ANXA4: variants seen among roughly 807,000 people sequenced by gnomAD.
ANXA4 encodes the protein annexin A4, also known as 35-beta calcimedin.
A neutral mutation model predicts 49.8 loss-of-function variants in ANXA4; 39 were observed. The observed-to-expected ratio is 0.78, with a 90% CI of 0.61 to 1.02. The LOEUF (loss-of-function observed/expected upper bound fraction) is 1.02. Ranked by LOEUF, ANXA4 falls within the 50% of genes least tolerant of loss-of-function variation. The probability of loss-of-function intolerance (pLI) is 0.00; values close to 1 mark genes in which losing one functional copy is unlikely to be tolerated. For synonymous variants in ANXA4, 134 were observed against 152.5 expected, an observed-to-expected ratio of 0.88 and a Z score of 0.89; for missense variants, 360 against 410.1, an observed-to-expected ratio of 0.88 and a Z score of 1.05.
chr2:69,779,068 G>T lies in ANXA4; in HGVS notation c.-46-2452G>T, dbSNP rs192965872. Among the ~76,000 whole-genome samples, 36 of 127,534 alleles carry T rather than the reference G, an allele frequency of 2.8e-4. No individual in the cohort carries two copies. In the East Asian group the frequency reaches 8.2e-3, roughly 29 times the overall value. The allele number at this position is 127,534 out of a possible 152,430, so 83.7% of individuals were successfully genotyped here. On this transcript the variant is annotated intron_variant, in intron 1 of 12. Transcript: ENST00000394295. ...GGTTGCAGTGAGCCAAGATTGCACCGCTGCACTCTAGCCTGGGCAACAGAG... is the reference window on the plus strand; with the variant it reads ...GGTTGCAGTGAGCCAAGATTGCACCTCTGCACTCTAGCCTGGGCAACAGAG...
intron 1 of ANXA4, among the ~76,000 whole-genome samples, chr2:69,759,027 T>C: frequency 6.6e-6 from 1 of 151,196 alleles, no homozygotes. Flanking sequence ...TCCCAGCTAC[T>C]CAGGAGGCTG....
At chr2:69,665,222 C>T (rs541199350) in intron 2 of ANXA4, among the ~76,000 whole-genome samples, 10 of 152,280 alleles carry the variant, frequency 6.6e-5, no homozygotes, top group Non-Finnish European at 1.3e-4. Flanking sequence ...CATATAAGTA[C>T]ATGAAACCAC....
chr2:69,711,942 G>C (rs1678690077), intron 2 of ANXA4, among the ~76,000 whole-genome samples: 1 of 151,838 alleles, frequency 6.6e-6, no homozygotes, highest in South Asian at 2.1e-4. Context: ...GCAGCAAAAA[G>C]GAAAAAGGAG....
intron 4 of ANXA4, 62 bp from the exon 5 acceptor site, chr2:69,806,323 C>A: frequency 8.0e-7 from 1 of 1,250,518 alleles, no homozygotes; most frequent in Admixed American, 1.7e-5. Flanking sequence ...TGGACCACAC[C>A]TGGAGAGTAG....
chr2:69,823,272 C>A (rs866531899), intron 12 of ANXA4, among the ~76,000 whole-genome samples: 26 of 150,882 alleles, frequency 1.7e-4, no homozygotes, highest in African/African-American at 5.8e-4. Flanking sequence ...TGTATACACA[C>A]ACACACCACT....
At chr2:69,779,802 T>C (rs1573241435) in intron 1 of ANXA4, among the ~76,000 whole-genome samples, 1 of 152,300 alleles carries the variant, frequency 6.6e-6, no homozygotes, top group East Asian at 1.9e-4. Context: ...GAGCCTTCCC[T>C]GGAATGAGCC....
At chr2:69,771,103 A>G (rs1671695201) in intron 1 of ANXA4, among the ~76,000 whole-genome samples, 1 of 140,062 alleles carries the variant, frequency 7.1e-6, no homozygotes, top group African/African-American at 2.7e-5. Flanking sequence ...CCAAAAAAAA[A>G]AAAAAGAAAA....
At chr2:69,769,140 T>G (rs1174183214) in intron 1 of ANXA4, among the ~76,000 whole-genome samples, 6 of 152,156 alleles carry the variant, frequency 3.9e-5, no homozygotes, top group Non-Finnish European at 7.4e-5. Context: ...AGCTGCACAT[T>G]TATAAAGCGT....
chr2:69,655,715 A>G (rs2105311494), intron 2 of ANXA4, among the ~76,000 whole-genome samples: 1 of 152,306 alleles, frequency 6.6e-6, no homozygotes, highest in East Asian at 1.9e-4. Context: ...TCCACTTTAA[A>G]GACACATGCA....
chr2:69,807,333 G>C (rs2124009), intron 5 of ANXA4, among the ~76,000 whole-genome samples: 43,819 of 152,032 alleles, frequency 0.29, 8,378 homozygotes, highest in African/African-American at 0.55. Context: ...TGGCAAAAGA[G>C]TTCCTGGCTT....
intron 1 of ANXA4, among the ~76,000 whole-genome samples, chr2:69,774,341 T>C (rs1249809993): frequency 1.2e-5 from 1 of 84,344 alleles, no homozygotes; most frequent in Non-Finnish European, 2.2e-5. Flanking sequence ...CCCCCCCCCC[T>C]TTTTTTTTTT....
chr2:69,818,814 C>T (rs1367627923), intron 10 of ANXA4, 120 bp downstream of exon 10: 1 of 623,038 alleles, frequency 1.6e-6, no homozygotes, highest in Non-Finnish European at 2.8e-6. Context: ...ATGAATCACT[C>T]ATGTTACATT....
At chr2:69,773,511 A>C (rs1463784994) in intron 1 of ANXA4, among the ~76,000 whole-genome samples, 1 of 151,320 alleles carries the variant, frequency 6.6e-6, no homozygotes, top group Non-Finnish European at 1.5e-5. Flanking sequence ...CAGACCAAGG[A>C]CTGGCTAAGA....
Position 69,810,640 on chromosome 2 carries a change from C to G in ANXA4, c.444C>G (p.Phe148Leu). The G allele has an allele frequency of 6.2e-7, 1 of 1,614,168 alleles. No individual in the cohort carries two copies. Among genetic ancestry groups the G allele is most frequent in the African/African-American group, 1.3e-5 (1 of 75,042 alleles). ...ATGACATTCGCTCTGACACATCGTT[C>G]ATGTTCCAGCGAGTGCTGGTGTCTC... ...LEDDIRSDTSFMFQRVLVSLS... is the reference protein window; with the variant it reads ...LEDDIRSDTSLMFQRVLVSLS... Residue 148 changes from phenylalanine to leucine, a missense_variant, in exon 7 of 13, where the codon TTC becomes TTG. By Grantham distance (22) the Phe-to-Leu change is conservative (BLOSUM62 0). Transcript: ENST00000394295.
intron 2 of ANXA4, among the ~76,000 whole-genome samples, chr2:69,656,381 ATATATATGTGTATATATATG>A (rs1676487452): frequency 1.3e-5 from 1 of 76,962 alleles, no homozygotes; most frequent in African/African-American, 3.6e-5. Context: ...ATATATGTGT[ATATATATGTGTATATATATG>A]TATATATATG....
chr2:69,796,742 G>T (rs1672959536), intron 3 of ANXA4, among the ~76,000 whole-genome samples: 1 of 152,172 alleles, frequency 6.6e-6, no homozygotes, highest in African/African-American at 2.4e-5. Flanking sequence ...TGATGGTGCA[G>T]TTGGAGGGGG....
intron 2 of ANXA4, among the ~76,000 whole-genome samples, chr2:69,689,964 C>G (rs1482868518): frequency 1.3e-5 from 2 of 152,088 alleles, no homozygotes; most frequent in African/African-American, 4.8e-5. Context: ...ATCAAATTCT[C>G]TCTTTTTAGA....
intron 2 of ANXA4, among the ~76,000 whole-genome samples, chr2:69,717,426 G>T (rs1669674741): frequency 6.6e-6 from 1 of 152,002 alleles, no homozygotes; most frequent in Non-Finnish European, 1.5e-5. Context: ...CTGGCTCATC[G>T]ACACAAGCAG....
intron 2 of ANXA4, among the ~76,000 whole-genome samples, chr2:69,697,150 T>C (rs1216768402): frequency 6.6e-6 from 1 of 152,242 alleles, no homozygotes; most frequent in Non-Finnish European, 1.5e-5. Flanking sequence ...GAAAATCTAT[T>C]GTTCAGTGTA....
Sources: allele counts gnomAD v4.1 joint callset (sites outside exome capture counted in the v4.1 genomes callset), GRCh38; gene constraint gnomAD v4.1.1; transcripts MANE v1.5; gene names NCBI Gene and HGNC (gene_info 2026-07-23, HGNC 2026-07-21).